ACYP2: variants seen among roughly 807,000 people sequenced by gnomAD.
ACYP2 encodes the protein acylphosphatase-2.
Under a neutral mutation model 11.2 loss-of-function variants are expected in ACYP2, and 12 were observed. The ratio of observed to expected loss-of-function variants is 1.08; its 90% CI spans 0.69 to 1.74. The LOEUF is 1.74. ACYP2 is among the 40% of genes most tolerant of loss of function. ACYP2 has a pLI of 0.00. For missense variants in ACYP2, 134 were observed against 101.9 expected, an observed-to-expected ratio of 1.31 and a Z score of -1.35; for synonymous variants, 43 against 32.2, an observed-to-expected ratio of 1.33 and a Z score of -1.13.
intron 4 of ACYP2, among the ~76,000 whole-genome samples, chr2:54,110,966 G>A (rs1679430526): frequency 6.6e-6 from 1 of 152,146 alleles, no homozygotes; most frequent in South Asian, 2.1e-4. Flanking sequence ...TCTATCACTG[G>A]TAGGGCAGAG....
intron 6 of ACYP2, among the ~76,000 whole-genome samples, chr2:54,273,295 C>A (rs1338523838): frequency 1.3e-5 from 2 of 152,144 alleles, no homozygotes; most frequent in Non-Finnish European, 2.9e-5. Flanking sequence ...TTTAAATGTT[C>A]CATTAGAAGA....
At chr2:54,304,218 CTGTGTGTGTGTGTGTGTGTG>C (rs10531789) in intron 6 of ACYP2, among the ~76,000 whole-genome samples, 3 of 149,266 alleles carry the variant, frequency 2.0e-5, no homozygotes, top group African/African-American at 7.4e-5. Flanking sequence ...ATATATATGT[CTGTGTGTGTGTGTGTGTGTG>C]TGTGTGTGTG....
chr2:54,094,710 G>A (rs1172728066), intron 4 of ACYP2, among the ~76,000 whole-genome samples: 1 of 151,384 alleles, frequency 6.6e-6, no homozygotes, highest in Non-Finnish European at 1.5e-5. Flanking sequence ...GCTAATTTTT[G>A]TATTTTTTGT....
At chr2:54,254,407 GACCA>G in intron 6 of ACYP2, 1 of 154,040 alleles carries the variant, frequency 6.5e-6, no homozygotes, top group Non-Finnish European at 1.4e-5. Flanking sequence ...AGCAATAGGT[GACCA>G]GTCTCAGGAA....
At chr2:54,120,699 G>A (rs1205161100) in intron 4 of ACYP2, among the ~76,000 whole-genome samples, 1 of 152,214 alleles carries the variant, frequency 6.6e-6, no homozygotes, top group African/African-American at 2.4e-5. Context: ...CTCAGGCTGT[G>A]CTACTGGTCT....
intron 2 of ACYP2, among the ~76,000 whole-genome samples, chr2:53,981,802 C>T (rs1671776072): frequency 6.6e-6 from 1 of 152,076 alleles, no homozygotes; most frequent in Non-Finnish European, 1.5e-5. Flanking sequence ...ACACATAATC[C>T]AGGTTTGTGT....
chr2:54,218,874 C>A (rs907302495), intron 6 of ACYP2, among the ~76,000 whole-genome samples: 2 of 152,148 alleles, frequency 1.3e-5, no homozygotes, highest in Non-Finnish European at 2.9e-5. Context: ...CTGCTCTTAT[C>A]TCTTTAGTCA....
At chr2:54,275,852 A>G (rs1378015927) in intron 6 of ACYP2, among the ~76,000 whole-genome samples, 2 of 152,210 alleles carry the variant, frequency 1.3e-5, no homozygotes, top group Non-Finnish European at 2.9e-5. Flanking sequence ...ATACATTCTG[A>G]TTTAATGGAA....
intron 6 of ACYP2, among the ~76,000 whole-genome samples, chr2:54,280,190 A>T (rs1000222676): frequency 8.5e-5 from 13 of 152,222 alleles, no homozygotes; most frequent in African/African-American, 2.9e-4. Context: ...ACAGATGAGA[A>T]CCTGATGTAA....
At chr2:54,202,685 G>A (rs113848828) in intron 6 of ACYP2, among the ~76,000 whole-genome samples, 1 of 136,882 alleles carries the variant, frequency 7.3e-6, no homozygotes, top group African/African-American at 2.7e-5. Flanking sequence ...TGGGATTACA[G>A]GTGTGAGCCA....
intron 2 of ACYP2, among the ~76,000 whole-genome samples, chr2:54,045,732 C>T (rs912903859): frequency 1.6e-4 from 24 of 151,878 alleles, no homozygotes; most frequent in African/African-American, 3.9e-4. Context: ...AGGAGAATGG[C>T]GGGAACCTGG....
At chr2:54,248,352 AGACATAC>A (rs1687057448) in intron 6 of ACYP2, among the ~76,000 whole-genome samples, 1 of 152,230 alleles carries the variant, frequency 6.6e-6, no homozygotes, top group Non-Finnish European at 1.5e-5. Context: ...GTATCACAAA[AGACATAC>A]GATTCCTACT....
At chr2:54,184,568 A>G (rs1187169330) in intron 6 of ACYP2, among the ~76,000 whole-genome samples, 1 of 152,334 alleles carries the variant, frequency 6.6e-6, no homozygotes, top group East Asian at 1.9e-4. Context: ...ATAACAGAAA[A>G]TAAGATACCA....
At chr2:54,233,352 G>A (rs1162688260) in intron 6 of ACYP2, among the ~76,000 whole-genome samples, 1 of 141,182 alleles carries the variant, frequency 7.1e-6, no homozygotes, top group African/African-American at 2.7e-5. Flanking sequence ...TGTGGCCCAA[G>A]CTGGAGTGCA....
At chr2:54,201,613 TTTCTTTCTTTGTTTCTTTC>T (rs1558608558) in intron 6 of ACYP2, among the ~76,000 whole-genome samples, 3 of 79,736 alleles carry the variant, frequency 3.8e-5, no homozygotes, top group African/African-American at 9.8e-5. Context: ...TCTTTCTTTC[TTTCTTTCTTTGTTTCTTTC>T]TTTCTCTTTC....
At chr2:54,120,643 TTGGGCCCAC>T (rs995316822) in intron 4 of ACYP2, among the ~76,000 whole-genome samples, 3 of 152,238 alleles carry the variant, frequency 2.0e-5, no homozygotes, top group Non-Finnish European at 2.9e-5. Flanking sequence ...CAGGCTTTGC[TTGGGCCCAC>T]TGGGCTTACT....
intron 4 of ACYP2, among the ~76,000 whole-genome samples, chr2:54,072,223 C>G (rs1677081425): frequency 6.6e-6 from 1 of 152,164 alleles, no homozygotes; most frequent in Non-Finnish European, 1.5e-5. Context: ...AATTAGAAGA[C>G]TTAACATTAA....
chr2:54,265,437 A>G (rs1687973423), intron 6 of ACYP2, among the ~76,000 whole-genome samples: 1 of 152,208 alleles, frequency 6.6e-6, no homozygotes, highest in African/African-American at 2.4e-5. Flanking sequence ...TCCACAACAC[A>G]TGGGAATTAT....
chr2:54,232,921 G>A (rs1465439155), intron 6 of ACYP2, among the ~76,000 whole-genome samples: 2 of 152,140 alleles, frequency 1.3e-5, no homozygotes, highest in Non-Finnish European at 2.9e-5. Context: ...AGATTTGGGT[G>A]GGGACACACA....
Sources: gnomAD v4.1 joint callset for allele counts (sites outside exome capture counted in the v4.1 genomes callset) on GRCh38, gnomAD v4.1.1 for gene constraint, MANE v1.5 for transcripts, NCBI Gene and HGNC (gene_info 2026-07-23, HGNC 2026-07-21) for gene names.